ACSM1: variants seen among roughly 807,000 people sequenced by gnomAD.
The protein encoded by ACSM1 is acyl-CoA synthetase medium chain family member 1, also known as acyl-coenzyme A synthetase ACSM1, mitochondrial.
A neutral mutation model predicts 75.8 loss-of-function variants in ACSM1; 79 were observed. That is an observed-to-expected ratio of 1.04 (90% CI 0.87 to 1.26). ACSM1 has a LOEUF of 1.26. Among genes scored for constraint, ACSM1 ranks in the 50% most tolerant of loss-of-function variants. The probability of loss-of-function intolerance (pLI) is 0.00; values close to 1 mark genes in which losing one functional copy is unlikely to be tolerated. For missense variants in ACSM1, 676 were observed against 720.1 expected (o/e 0.94, Z 0.70); for synonymous variants, 279 against 265.8 (o/e 1.05, Z -0.48).
In ACSM1 at chr16:20,661,676, C is replaced by T. The variant is rs962849828; in HGVS notation, c.992+118G>A. On this transcript the variant is annotated intron_variant, in intron 7 of 13. Coordinates refer to ENST00000520010, the MANE Select transcript of ACSM1 (RefSeq NM_001318890.3). ...AACTTTTGATCATCATCGCCACCAACACTTAACACACAAACACACACACAC... is the reference window on the plus strand; with the variant it reads ...AACTTTTGATCATCATCGCCACCAATACTTAACACACAAACACACACACAC... 13 of 666,826 alleles carry T rather than the reference C, an allele frequency of 1.9e-5. No homozygotes were observed. The African/African-American group carries it at 2.2e-4, about 11-fold the overall frequency. 41.3% of individuals were successfully genotyped at this position (666,826 alleles called of 1,614,324 possible).
intron 9 of ACSM1, 116 bp downstream of exon 9, chr16:20,637,255 G>T: frequency 1.2e-6 from 1 of 803,282 alleles, no homozygotes; most frequent in Non-Finnish European, 2.1e-6. Flanking sequence ...TAAATGAGAA[G>T]AGAGGAGGAA....
chr16:20,672,508 TATATATTATATATC>T (rs2020003113), intron 4 of ACSM1, among the ~76,000 whole-genome samples: 1 of 126,606 alleles, frequency 7.9e-6, no homozygotes, highest in South Asian at 2.4e-4. Flanking sequence ...AAAACATATT[TATATATTATATATC>T]ATATATTAAA....
At chr16:20,675,663 C>T (rs1461651951) in intron 4 of ACSM1, among the ~76,000 whole-genome samples, 2 of 152,192 alleles carry the variant, frequency 1.3e-5, no homozygotes, top group Non-Finnish European at 2.9e-5. Context: ...ATTAGAATAG[C>T]CCTCTTTTAG....
chr16:20,638,957 A>T (rs1048874061), intron 8 of ACSM1, among the ~76,000 whole-genome samples: 1 of 152,140 alleles, frequency 6.6e-6, no homozygotes, highest in Non-Finnish European at 1.5e-5. Flanking sequence ...CATAGGCCCG[A>T]AGTGTCAGCA....
At chr16:20,628,939 C>T (rs1174216514) in intron 10 of ACSM1, among the ~76,000 whole-genome samples, 1 of 152,116 alleles carries the variant, frequency 6.6e-6, no homozygotes, top group Non-Finnish European at 1.5e-5. Context: ...TCTTGTGGAA[C>T]ATGAAATGGT....
intron 4 of ACSM1, chr16:20,674,364 A>G (rs1405384039): frequency 1.4e-5 from 3 of 218,528 alleles, no homozygotes; most frequent in Admixed American, 1.1e-4. Context: ...AAAGTAAGAA[A>G]TGATGTAATG....
At position 20,623,511 on chromosome 16, in the gene ACSM1, C is replaced by A; in HGVS notation, c.1709G>T (p.Arg570Leu). 6.2e-7 allele frequency: 1 copy of A among 1,614,090 alleles called. No individual in the cohort carries two copies. Among genetic ancestry groups the A allele is most frequent in the Non-Finnish European group, 8.5e-7 (1 of 1,179,986 alleles). The stretch of plus-strand genomic sequence containing the variant: ...TTACATCTGACCAGTCTCCTTTTTC[C>A]GAAGTTCCTTCCGTTCAATCTTGCC... ...ITGKIERKEL[R>L]KKETGQM Residue 570 changes from arginine (R) to leucine (L), a missense_variant, in exon 14 of 14, where the codon CGG becomes CTG. By Grantham distance (102) the Arg-to-Leu change is moderately radical. Transcript: ENST00000520010.
intron 3 of ACSM1, 114 bp downstream of exon 3, chr16:20,685,079 C>T (rs968180925): frequency 3.6e-5 from 40 of 1,103,606 alleles, no homozygotes; most frequent in Non-Finnish European, 4.6e-5. Context: ...GAAACTGGGG[C>T]GAAGGCTTCA....
intron 4 of ACSM1, chr16:20,682,045 C>T: frequency 3.8e-6 from 2 of 521,554 alleles, no homozygotes; most frequent in East Asian, 3.4e-5. Context: ...AGTAAGCTTC[C>T]CCCTGCACAG....
rs1169361398 is a variant in ACSM1, at chr16:20,697,647, T to A, written c.-63A>T. Reference sequence around the variant, plus strand: ...CACCTCTGTCTTACCTGGTACTGTTTAGGACGTAGCTGAACTAGGTCCCTG... The same window carrying A: ...CACCTCTGTCTTACCTGGTACTGTTAAGGACGTAGCTGAACTAGGTCCCTG... On this transcript the variant is annotated 5_prime_UTR_variant, in exon 1 of 14. Coordinates refer to ENST00000520010, the MANE Select transcript of ACSM1 (RefSeq NM_001318890.3). 2 of 152,208 alleles carry A rather than the reference T, an allele frequency of 1.3e-5. No homozygotes were observed. The highest frequency in any genetic ancestry group is 4.8e-5 in the African/African-American group (2 of 41,248). The allele number at this position is 152,208 out of a possible 1,614,324, so 9.4% of individuals were successfully genotyped here.
chr16:20,627,869 C>CATACATATATACATATATAT (rs1449856164), intron 10 of ACSM1, among the ~76,000 whole-genome samples: 2 of 77,536 alleles, frequency 2.6e-5, no homozygotes, highest in African/African-American at 4.6e-5. Context: ...TGTATGTATA[C>CATACATATATACATATATAT]ATATATATAT....
At chr16:20,690,304 C>A (rs1488220141) in intron 2 of ACSM1, among the ~76,000 whole-genome samples, 1 of 152,182 alleles carries the variant, frequency 6.6e-6, no homozygotes, top group Non-Finnish European at 1.5e-5. Flanking sequence ...GCTATAAATA[C>A]CATCCATTGT....
chr16:20,633,273 C>A (rs1016452670), intron 10 of ACSM1, among the ~76,000 whole-genome samples: 1 of 152,242 alleles, frequency 6.6e-6, no homozygotes, highest in Admixed American at 6.5e-5. Flanking sequence ...AAGAATTTTA[C>A]ACACTCAAAA....
intron 7 of ACSM1, among the ~76,000 whole-genome samples, chr16:20,643,946 C>T (rs2018215894): frequency 6.6e-6 from 1 of 152,108 alleles, no homozygotes; most frequent in Admixed American, 6.5e-5. Flanking sequence ...TTACAGAGTG[C>T]TGATTGGTGC....
chr16:20,669,595 A>G (rs1942006146), intron 6 of ACSM1, among the ~76,000 whole-genome samples: 1 of 152,046 alleles, frequency 6.6e-6, no homozygotes, highest in African/African-American at 2.4e-5. Context: ...ACAAAGACTG[A>G]TCTACAGGTC....
At chr16:20,669,441 A>AACACACACACACACACAC (rs71149170) in intron 6 of ACSM1, among the ~76,000 whole-genome samples, 92 of 141,358 alleles carry the variant, frequency 6.5e-4, no homozygotes, top group African/African-American at 2.3e-3. Context: ...TGAGTAAGAA[A>AACACACACACACACACAC]ACACACACAC....
intron 11 of ACSM1, among the ~76,000 whole-genome samples, chr16:20,625,812 G>A (rs927575923): frequency 3.3e-5 from 5 of 152,174 alleles, no homozygotes; most frequent in South Asian, 2.1e-4. Flanking sequence ...CCCCCAACAC[G>A]AAATCTCTTG....
At chr16:20,641,446 C>T (rs2018052826) in intron 7 of ACSM1, among the ~76,000 whole-genome samples, 1 of 152,172 alleles carries the variant, frequency 6.6e-6, no homozygotes, top group Admixed American at 6.5e-5. Flanking sequence ...GACTTGCTGG[C>T]TCCTTGCTTC....
At position 20,682,003 on chromosome 16, in the gene ACSM1, A is replaced by G. The variant is rs2079455441; in HGVS notation, c.611+253T>C. 8 of 386,888 alleles carry G rather than the reference A, an allele frequency of 2.1e-5. No homozygotes were observed. In the South Asian group the frequency reaches 2.4e-4, roughly 12 times the overall value. 24.0% of individuals were successfully genotyped at this position (386,888 alleles called of 1,614,324 possible). A position where few individuals can be genotyped will look rare whatever the true frequency, so the allele number is the denominator to read the frequency against. ...AAGAAATGATGTAATACATGTCTCA[A>G]CTGAATAACTGTCTTTGTTTCTCAC... On this transcript the variant is annotated intron_variant, in intron 4 of 13. Transcript: ENST00000520010.
Sources: allele counts gnomAD v4.1 joint callset (sites outside exome capture counted in the v4.1 genomes callset), GRCh38; gene constraint gnomAD v4.1.1; transcripts MANE v1.5; gene names NCBI Gene and HGNC (gene_info 2026-07-23, HGNC 2026-07-21).